ATP2B2: variants seen among roughly 807,000 people sequenced by gnomAD.
The protein encoded by ATP2B2 is ATPase plasma membrane Ca2+ transporting 2.
Under a neutral mutation model 120.0 loss-of-function variants are expected in ATP2B2, and 15 were observed. The observed-to-expected ratio is 0.12, with a 90% CI of 0.08 to 0.19. The LOEUF is 0.19. ATP2B2 is among the 10% of genes least tolerant of loss of function. The pLI is 1.00. For missense variants in ATP2B2, 1,045 were observed against 1,719.8 expected (o/e 0.61, Z 6.94); for synonymous variants, 694 against 700.3 (o/e 0.99, Z 0.14).
At chr3:10,401,641 T>C (rs942954010) in intron 4 of ATP2B2, among the ~76,000 whole-genome samples, 16 of 152,194 alleles carry the variant, frequency 1.1e-4, no homozygotes, top group African/African-American at 3.9e-4. Flanking sequence ...GCCCAGAATA[T>C]TCACTTATCC....
In ATP2B2 at chr3:10,402,224, G is replaced by T; in HGVS notation, c.522C>A (p.Ser174Arg). The change falls in exon 4 of 23, where the codon AGC (serine) becomes AGA (arginine). Residue 174 changes from serine to arginine, a missense_variant. By Grantham distance (110) the Ser-to-Arg change is moderately radical. Transcript: ENST00000360273. The surrounding 1 kb of genome is among the most constrained non-coding windows in gnomAD (Gnocchi z 4.9). The stretch of plus-strand genomic sequence containing the variant: ...GCAGGCCCCGGAACTGTTTCTCTTT[G>T]CTCCAGTCATTGAAGGCCGTGACCA... Reference protein sequence around the residue: ...VVLVTAFNDWSKEKQFRGLQS... With the variant: ...VVLVTAFNDWRKEKQFRGLQS... 1 of 1,614,148 alleles carries T rather than the reference G, an allele frequency of 6.2e-7. No individual in the cohort carries two copies. The highest frequency in any genetic ancestry group is 8.5e-7 in the Non-Finnish European group (1 of 1,180,042).
At position 10,326,012 on chromosome 3, in the gene ATP2B2, A is replaced by C. The variant is rs2059850775; in HGVS notation, c.*2802T>G. 1 of 152,340 alleles carries C rather than the reference A, an allele frequency of 6.6e-6. No individual in the cohort carries two copies. The highest frequency in any genetic ancestry group is 2.4e-5 in the African/African-American group (1 of 41,416). The allele number at this position is 152,340 out of a possible 1,614,324, so 9.4% of individuals were successfully genotyped here. A position where few individuals can be genotyped will look rare whatever the true frequency, so the allele number is the denominator to read the frequency against. ...TTTAAACCACAAACATTTCAGAACC[A>C]CACTGCACGAGTCAGAAGAGCCAGC... On this transcript the variant is annotated 3_prime_UTR_variant, in exon 23 of 23. Transcript: ENST00000360273.
At chr3:10,669,744 C>T (rs544229769) in intron 1 of ATP2B2, among the ~76,000 whole-genome samples, 4 of 152,260 alleles carry the variant, frequency 2.6e-5, no homozygotes, top group African/African-American at 7.2e-5. Context: ...GGTGAGTCCT[C>T]ATTTTATAAC....
At chr3:10,689,552 G>C (rs1237173402) in intron 1 of ATP2B2, among the ~76,000 whole-genome samples, 1 of 152,000 alleles carries the variant, frequency 6.6e-6, no homozygotes, top group Non-Finnish European at 1.5e-5. Flanking sequence ...AGACCTCCTT[G>C]GTCATCAACA....
chr3:10,359,005 T>G, intron 13 of ATP2B2, 80 bp from the exon 14 acceptor site: 1 of 1,346,026 alleles, frequency 7.4e-7, no homozygotes, highest in Non-Finnish European at 1.0e-6. Context: ...CCCACCCTCG[T>G]GATGCCCAGC....
At chr3:10,518,992 A>C (rs1245303993) in intron 3 of ATP2B2, among the ~76,000 whole-genome samples, 1 of 152,260 alleles carries the variant, frequency 6.6e-6, no homozygotes, top group Non-Finnish European at 1.5e-5. Context: ...ACTAATGTTC[A>C]TGGAACACCA....
chr3:10,671,367 C>G (rs570935732), intron 1 of ATP2B2, among the ~76,000 whole-genome samples: 17 of 152,262 alleles, frequency 1.1e-4, no homozygotes, highest in African/African-American at 4.1e-4. Flanking sequence ...GCAGTATGGG[C>G]TAGGCCATTA....
chr3:10,351,757 A>T (rs1315252103), intron 14 of ATP2B2, among the ~76,000 whole-genome samples: 1 of 152,220 alleles, frequency 6.6e-6, no homozygotes, highest in East Asian at 1.9e-4. Flanking sequence ...TATAAAGAGG[A>T]AATTTCGACA....
intron 14 of ATP2B2, among the ~76,000 whole-genome samples, chr3:10,353,498 G>A (rs1047969829): frequency 9.2e-5 from 14 of 152,198 alleles, no homozygotes; most frequent in African/African-American, 3.1e-4. Context: ...TGAGGGCCAC[G>A]CTGCAGGTGA....
At chr3:10,670,021 A>C (rs1198570301) in intron 1 of ATP2B2, among the ~76,000 whole-genome samples, 1 of 152,220 alleles carries the variant, frequency 6.6e-6, no homozygotes, top group Non-Finnish European at 1.5e-5. Flanking sequence ...ATCAGCTGGG[A>C]ATTTGCCTGG....
At chr3:10,482,864 C>T (rs990212861) in intron 1 of ATP2B2, among the ~76,000 whole-genome samples, 2 of 152,256 alleles carry the variant, frequency 1.3e-5, no homozygotes, top group Non-Finnish European at 2.9e-5. Flanking sequence ...TTGAACATGC[C>T]TGTGCATGAG....
At chr3:10,506,763 C>T (rs569622622), upstream of ATP2B2, among the ~76,000 whole-genome samples, 7 of 152,254 alleles carry the variant, frequency 4.6e-5, no homozygotes, top group East Asian at 5.8e-4. Flanking sequence ...GGGCTGGAGG[C>T]GGCCCCGGGA....
intron 1 of ATP2B2, among the ~76,000 whole-genome samples, chr3:10,491,077 T>G (rs565772482): frequency 6.6e-6 from 1 of 152,286 alleles, no homozygotes; most frequent in South Asian, 2.1e-4. Flanking sequence ...TCCCTGCCCT[T>G]GCTCTGGGTC....
chr3:10,438,725 G>A (rs1248137464), intron 2 of ATP2B2, among the ~76,000 whole-genome samples: 1 of 152,244 alleles, frequency 6.6e-6, no homozygotes, highest in African/African-American at 2.4e-5. Context: ...ATGACAGGCA[G>A]GCCTGGAGGC....
intron 11 of ATP2B2, among the ~76,000 whole-genome samples, chr3:10,374,312 G>A (rs2061323700): frequency 6.6e-6 from 1 of 152,172 alleles, no homozygotes; most frequent in South Asian, 2.1e-4. Flanking sequence ...TTTGGTTTGT[G>A]GGGATGGAGT....
rs190150579 is a variant in ATP2B2 at position 10,695,237 on chromosome 3, A to C, written c.-460+12678T>G. 1.1e-3 allele frequency among the ~76,000 whole-genome samples: 126 copies of C among 118,534 alleles called. 2 individuals carry two copies. Among genetic ancestry groups the C allele is most frequent in the African/African-American group, 4.8e-3 (118 of 24,628 alleles). The allele number at this position is 118,534 out of a possible 152,430, so 77.8% of individuals were successfully genotyped here. ...CATCTTACATGGATGGTAGCAGGCA[A>C]AGGAGGGAGGGAGGGAGAGAGAGAG... On this transcript the variant is annotated intron_variant, in intron 1 of 21. Transcript: ENST00000646379.
At chr3:10,693,754 G>C (rs1223130161) in intron 1 of ATP2B2, among the ~76,000 whole-genome samples, 1 of 152,154 alleles carries the variant, frequency 6.6e-6, no homozygotes, top group African/African-American at 2.4e-5. Flanking sequence ...GGTTTATTTT[G>C]GTTATGGTTA....
chr3:10,375,708 C>T lies in ATP2B2; in HGVS notation c.1202-64G>A. On this transcript the variant is annotated intron_variant, in intron 10 of 22. Coordinates refer to ENST00000360273, the MANE Select transcript of ATP2B2 (RefSeq NM_001001331.4). This position sits in a 1 kb window ranked among gnomAD's most constrained non-coding sequence, Gnocchi z 4.2. ...AGTGGAGGCTGGGGGTGGTGTGGAC[C>T]AAATCTTTGGCTGAAAGAGCTCCGG... The T allele has an allele frequency of 6.7e-7, 1 of 1,484,478 alleles. No homozygotes were observed. Among genetic ancestry groups the T allele is most frequent in the Admixed American group, 1.8e-5 (1 of 55,590 alleles). The allele number at this position is 1,484,478 out of a possible 1,614,324, so 92.0% of individuals were successfully genotyped here.
intron 2 of ATP2B2, among the ~76,000 whole-genome samples, chr3:10,548,866 A>G (rs971102948): frequency 1.3e-5 from 2 of 152,244 alleles, no homozygotes; most frequent in African/African-American, 4.8e-5. Flanking sequence ...TGGAAAGCTC[A>G]TATTTGAACC....
Sources: allele counts gnomAD v4.1 joint callset (sites outside exome capture counted in the v4.1 genomes callset), GRCh38; gene constraint gnomAD v4.1.1; non-coding constraint Gnocchi (gnomAD v3.1); transcripts MANE v1.5; gene names NCBI Gene and HGNC (gene_info 2026-07-23, HGNC 2026-07-21).